Variants in TTC12 observed in about 807,000 individuals in gnomAD.
The protein encoded by TTC12 is tetratricopeptide repeat protein 12.
A neutral mutation model predicts 90.1 loss-of-function variants in TTC12; 70 were observed. That is an observed-to-expected ratio of 0.78 (90% CI 0.64 to 0.95). TTC12 has a LOEUF of 0.95. Ranked by LOEUF, TTC12 falls within the 40% of genes least tolerant of loss-of-function variation. TTC12 has a pLI of 0.00. For missense variants in TTC12, 819 were observed against 846.1 expected (o/e 0.97, Z 0.40); for synonymous variants, 296 against 311.5 (o/e 0.95, Z 0.53).
At position 113,329,994 on chromosome 11, in the gene TTC12, C is replaced by T. The variant is rs782675360; in HGVS notation, c.504+15C>T. The T allele has an allele frequency of 2.5e-6, 4 of 1,602,860 alleles. No individual in the cohort carries two copies. Among genetic ancestry groups the T allele is most frequent in the Admixed American group, 3.3e-5 (2 of 59,994 alleles). On this transcript the variant is annotated intron_variant, in intron 7 of 21. Coordinates refer to ENST00000529221, the MANE Select transcript of TTC12 (RefSeq NM_017868.4). ...GGGCTCTCAAGGTAAGAGGGTATTTCTTTTCCCACATGATAGTGTTGGGCT... is the reference window on the plus strand; with the variant it reads ...GGGCTCTCAAGGTAAGAGGGTATTTTTTTTCCCACATGATAGTGTTGGGCT...
At chr11:113,356,370 G>A (rs1555152452) in intron 16 of TTC12, among the ~76,000 whole-genome samples, 1 of 152,206 alleles carries the variant, frequency 6.6e-6, no homozygotes, top group Non-Finnish European at 1.5e-5. Flanking sequence ...CAGCATACCA[G>A]TGGATCGTGG....
At chr11:113,340,778 A>G in intron 11 of TTC12, 45 bp downstream of exon 11, 2 of 1,470,264 alleles carry the variant, frequency 1.4e-6, no homozygotes, top group South Asian at 2.3e-5. Flanking sequence ...GCAAGGGAAG[A>G]TAACCACTGC....
intron 13 of TTC12, 122 bp from the exon 14 acceptor site, chr11:113,349,951 C>A: frequency 1.3e-6 from 1 of 776,210 alleles, no homozygotes; most frequent in Non-Finnish European, 2.2e-6. Flanking sequence ...CATGACAAGG[C>A]ACCCTTTCTG....
intron 8 of TTC12, among the ~76,000 whole-genome samples, chr11:113,338,402 A>G (rs1296676916): frequency 2.0e-5 from 3 of 152,248 alleles, no homozygotes; most frequent in African/African-American, 7.2e-5. Context: ...TTTATTTCCT[A>G]ACTCCATATG....
Position 113,323,447 on chromosome 11 carries a change from T to C in TTC12, c.218T>C (p.Met73Thr). ...KTMISPPQTA[M>T]KSAEEINSEA... Reference sequence around the variant, plus strand: ...ATGATCAGTCCTCCACAAACTGCTATGAAGGTTTCTTTTTCTATTGAGAAG... The same window carrying C: ...ATGATCAGTCCTCCACAAACTGCTACGAAGGTTTCTTTTTCTATTGAGAAG... The change falls in exon 3 of 22, where the codon ATG becomes ACG. Residue 73 changes from methionine to threonine, a missense_variant. Met to Thr is a moderately conservative substitution (Grantham distance 81). Coordinates refer to ENST00000529221, the MANE Select transcript of TTC12 (RefSeq NM_017868.4). 12 of 1,567,442 alleles carry C rather than the reference T, an allele frequency of 7.7e-6. No homozygotes were observed. The highest frequency in any genetic ancestry group is 1.0e-5 in the Non-Finnish European group (12 of 1,163,170).
rs1329513810 is a variant in TTC12 at position 113,366,327 on chromosome 11, G to A, written c.*27G>A. ...AGAGACAGGGTTTGTGTGCATTTGG[G>A]GAACACACAGATGCACACCGTGTGT... On this transcript the variant is annotated 3_prime_UTR_variant, in exon 22 of 22. Coordinates refer to ENST00000529221, the MANE Select transcript of TTC12 (RefSeq NM_017868.4). 6.2e-7 allele frequency: 1 copy of A among 1,612,214 alleles called. No homozygotes were observed. The highest frequency in any genetic ancestry group is 8.5e-7 in the Non-Finnish European group (1 of 1,179,954).
chr11:113,324,206 C>G (rs73574613), intron 4 of TTC12, 191 bp downstream of exon 4: 1 of 560,154 alleles, frequency 1.8e-6, no homozygotes. Flanking sequence ...TTTATTTTCT[C>G]TTGGTCAACC....
At chr11:113,351,379 T>C in intron 15 of TTC12, 80 bp downstream of exon 15, 1 of 1,136,600 alleles carries the variant, frequency 8.8e-7, no homozygotes. Flanking sequence ...CAATTTACAA[T>C]CCAGAACAAC....
At chr11:113,368,344 C>T, downstream of TTC12, 1 of 1,547,640 alleles carries the variant, frequency 6.5e-7, no homozygotes, top group Non-Finnish European at 8.7e-7. Flanking sequence ...TTACCCCTAA[C>T]ACATGCTACC....
At chr11:113,362,988 G>A (rs1322754097) in intron 19 of TTC12, among the ~76,000 whole-genome samples, 1 of 152,214 alleles carries the variant, frequency 6.6e-6, no homozygotes, top group Non-Finnish European at 1.5e-5. Flanking sequence ...ATCTAAGCAA[G>A]CCAGTAGAGC....
chr11:113,344,423 C>T lies in TTC12; in HGVS notation c.1137C>T (p.Asn379=), dbSNP rs782312683. 4 of 1,613,760 alleles carry T rather than the reference C, an allele frequency of 2.5e-6. No homozygotes were observed. The highest frequency in any genetic ancestry group is 3.4e-6 in the Non-Finnish European group (4 of 1,179,792). The part of the protein sequence containing the change: ...QTESGRSLII[N]HLDLTRLLEA... ...AGAGCGGACGGAGCCTGATCATCAACCACCTTGACCTGACCAGGTAAGCCT... is the reference window on the plus strand; with the variant it reads ...AGAGCGGACGGAGCCTGATCATCAATCACCTTGACCTGACCAGGTAAGCCT... Residue 379 remains asparagine (N), a synonymous_variant, in exon 13 of 22, where the codon AAC becomes AAT. Coordinates refer to ENST00000529221, the MANE Select transcript of TTC12 (RefSeq NM_017868.4).
At chr11:113,355,759 C>T (rs1949599894) in intron 16 of TTC12, among the ~76,000 whole-genome samples, 1 of 152,134 alleles carries the variant, frequency 6.6e-6, no homozygotes, top group Non-Finnish European at 1.5e-5. Flanking sequence ...TATTCAATTT[C>T]CATTTAATTA....
rs782722946 is a variant in TTC12 at position 113,338,768 on chromosome 11, T to G, written c.577-6T>G. 22 of 1,612,982 alleles carry G rather than the reference T, an allele frequency of 1.4e-5. No homozygotes were observed. The South Asian group carries it at 2.4e-4, about 18-fold the overall frequency. On this transcript the variant is annotated splice_region_variant and splice_polypyrimidine_tract_variant and intron_variant, in intron 8 of 21. Transcript: ENST00000529221. Reference sequence around the variant, plus strand: ...CACTCTTCAAGGTCTTGTTTCTTTTTTCCAGTCTAGAGAGTGTTATAAGAA... The same window carrying G: ...CACTCTTCAAGGTCTTGTTTCTTTTGTCCAGTCTAGAGAGTGTTATAAGAA...
chr11:113,366,146 T>A (rs529332859), intron 21 of TTC12, 79 bp from the exon 22 acceptor site: 1 of 1,503,084 alleles, frequency 6.7e-7, no homozygotes, highest in Non-Finnish European at 9.2e-7. Context: ...AGCTTCCATC[T>A]GAGAGGGTGT....
chr11:113,332,550 T>G (rs1948125354), intron 7 of TTC12, among the ~76,000 whole-genome samples: 2 of 152,162 alleles, frequency 1.3e-5, no homozygotes, highest in South Asian at 4.1e-4. Context: ...TTCCTCAATT[T>G]TATCCTTTGT....
downstream of TTC12, among the ~76,000 whole-genome samples, chr11:113,366,727 G>A (rs941411745): frequency 4.6e-5 from 7 of 152,248 alleles, no homozygotes; most frequent in Non-Finnish European, 2.9e-5. Context: ...TCCAGCTGTG[G>A]AGTGCTGAGA....
rs544579839 is a variant in TTC12, at chr11:113,352,381, C to T, written c.1446+174C>T. ...GCACTGCTGGCCTTAAAGAGCCCTGCAGATCAAGTCTCATTTGCCCTGGGG... is the reference window on the plus strand; with the variant it reads ...GCACTGCTGGCCTTAAAGAGCCCTGTAGATCAAGTCTCATTTGCCCTGGGG... On this transcript the variant is annotated intron_variant, in intron 16 of 21. Coordinates refer to ENST00000529221, the MANE Select transcript of TTC12 (RefSeq NM_017868.4). 2.6e-5 allele frequency among the ~76,000 whole-genome samples: 4 copies of T among 152,146 alleles called. No homozygotes were observed. In the South Asian group the frequency reaches 8.3e-4, roughly 32 times the overall value.
At chr11:113,348,959 G>A (rs1361966454) in intron 13 of TTC12, among the ~76,000 whole-genome samples, 2 of 152,240 alleles carry the variant, frequency 1.3e-5, no homozygotes, top group African/African-American at 4.8e-5. Flanking sequence ...CACATAGTCT[G>A]TGACTACAGG....
At chr11:113,325,681 C>G in intron 6 of TTC12, 36 bp downstream of exon 6, 1 of 1,608,028 alleles carries the variant, frequency 6.2e-7, no homozygotes, top group Non-Finnish European at 8.5e-7. Flanking sequence ...GGGGCTTTCT[C>G]AGGGAATAGT....
Sources: allele counts gnomAD v4.1 joint callset (sites outside exome capture counted in the v4.1 genomes callset), GRCh38; gene constraint gnomAD v4.1.1; transcripts MANE v1.5; gene names NCBI Gene and HGNC (gene_info 2026-07-23, HGNC 2026-07-21).